PIKFYVE: variants seen among roughly 807,000 people sequenced by gnomAD.
The protein encoded by PIKFYVE is 1-phosphatidylinositol 3-phosphate 5-kinase.
Under a neutral mutation model 257.9 loss-of-function variants are expected in PIKFYVE, and 122 were observed. The ratio of observed to expected loss-of-function variants is 0.47; its 90% CI spans 0.41 to 0.55. The LOEUF (loss-of-function observed/expected upper bound fraction) is 0.55. Ranked by LOEUF, PIKFYVE falls within the 20% of genes least tolerant of loss-of-function variation. The probability of loss-of-function intolerance (pLI) is 0.00; values close to 1 mark genes in which losing one functional copy is unlikely to be tolerated. For synonymous variants in PIKFYVE, 892 were observed against 868.9 expected, an observed-to-expected ratio of 1.03 and a Z score of -0.47; for missense variants, 2,160 against 2,536.6, an observed-to-expected ratio of 0.85 and a Z score of 3.19.
intron 7 of PIKFYVE, among the ~76,000 whole-genome samples, chr2:208,298,347 C>T (rs969816826): frequency 1.3e-5 from 2 of 151,960 alleles, no homozygotes; most frequent in African/African-American, 4.8e-5. Flanking sequence ...AATTGTTTTC[C>T]TGTAATCTTT....
chr2:208,283,638 C>T (rs374302980), intron 5 of PIKFYVE, among the ~76,000 whole-genome samples: 3 of 151,944 alleles, frequency 2.0e-5, no homozygotes, highest in Non-Finnish European at 2.9e-5. Context: ...TGCAGTGGCA[C>T]GACCACAGCT....
intron 1 of PIKFYVE, among the ~76,000 whole-genome samples, chr2:208,268,381 G>C (rs1318161646): frequency 1.3e-5 from 2 of 150,926 alleles, no homozygotes; most frequent in African/African-American, 4.9e-5. Context: ...TTTTCCAGGG[G>C]TGGTTGTTAC....
chr2:208,279,374 C>T (rs2125078133), intron 5 of PIKFYVE, among the ~76,000 whole-genome samples: 1 of 152,196 alleles, frequency 6.6e-6, no homozygotes, highest in Middle Eastern at 3.4e-3. Context: ...TTGATAGTAT[C>T]TTTTGCCATG....
intron 20 of PIKFYVE, 151 bp from the exon 21 acceptor site, chr2:208,328,029 C>G (rs1697129786): frequency 4.9e-6 from 7 of 1,442,636 alleles, no homozygotes; most frequent in Non-Finnish European, 4.7e-6. Flanking sequence ...AACTGCCCTT[C>G]CTTATATTTA....
intron 2 of PIKFYVE, among the ~76,000 whole-genome samples, chr2:208,273,327 G>A (rs147786999): frequency 1.6e-4 from 24 of 152,278 alleles, no homozygotes; most frequent in African/African-American, 5.5e-4. Context: ...GCTGGGCACA[G>A]TGGCCTGTGC....
chr2:208,342,793 T>TA, intron 32 of PIKFYVE, 144 bp downstream of exon 32: 31 of 551,462 alleles, frequency 5.6e-5, no homozygotes, highest in Non-Finnish European at 8.9e-5. Flanking sequence ...GATAGCTTGT[T>TA]CTTTTTTTTT....
intron 5 of PIKFYVE, 55 bp downstream of exon 5, chr2:208,277,763 C>G: frequency 6.4e-7 from 1 of 1,574,696 alleles, no homozygotes; most frequent in Admixed American, 1.7e-5. Flanking sequence ...CTATAAGACA[C>G]TTATAATACA....
chr2:208,269,719 C>T (rs1689155119), intron 1 of PIKFYVE: 1 of 249,672 alleles, frequency 4.0e-6, no homozygotes, highest in Non-Finnish European at 8.5e-6. Flanking sequence ...CTTGCCATCC[C>T]CCACTCAGTT....
intron 30 of PIKFYVE, 64 bp from the exon 31 acceptor site, chr2:208,339,947 C>G: frequency 6.4e-7 from 1 of 1,556,014 alleles, no homozygotes; most frequent in South Asian, 1.1e-5. Context: ...GAACCAAAGT[C>G]AGCAGTTTAT....
chr2:208,339,442 C>T lies in PIKFYVE; in HGVS notation c.4697C>T (p.Ser1566Phe). The change falls in exon 30 of 42, where the codon TCC (serine) becomes TTC (phenylalanine). Residue 1566 changes from serine to phenylalanine, a missense_variant. Transcript: ENST00000264380. ...EKEDRFLTTLSSQSSTSSTHL... is the reference protein window; with the variant it reads ...EKEDRFLTTLFSQSSTSSTHL... ...GAGGATCGCTTCTTAACAACTTTGTCCAGCCAGAGCTCCACCAGTTCTACT... is the reference window on the plus strand; with the variant it reads ...GAGGATCGCTTCTTAACAACTTTGTTCAGCCAGAGCTCCACCAGTTCTACT... 2 of 1,614,102 alleles carry T rather than the reference C, an allele frequency of 1.2e-6. No homozygotes were observed. The highest frequency in any genetic ancestry group is 1.7e-6 in the Non-Finnish European group (2 of 1,179,980).
intron 7 of PIKFYVE, among the ~76,000 whole-genome samples, chr2:208,292,894 A>C (rs1692491518): frequency 6.6e-6 from 1 of 151,980 alleles, no homozygotes. Flanking sequence ...TGGTGTATTT[A>C]GACTATTGAC....
At chr2:208,349,244 T>C (rs1292619716) in intron 35 of PIKFYVE, among the ~76,000 whole-genome samples, 1 of 152,164 alleles carries the variant, frequency 6.6e-6, no homozygotes, top group Non-Finnish European at 1.5e-5. Flanking sequence ...CTGCTTGCTA[T>C]TGGGCTGTAG....
At chr2:208,269,906 T>G in intron 1 of PIKFYVE, 1 of 278,948 alleles carries the variant, frequency 3.6e-6, no homozygotes, top group Non-Finnish European at 7.4e-6. Context: ...TGGCAGCACC[T>G]TTGGAGATGG....
At chr2:208,308,779 C>G (rs1275526042) in intron 12 of PIKFYVE, among the ~76,000 whole-genome samples, 1 of 149,256 alleles carries the variant, frequency 6.7e-6, no homozygotes, top group African/African-American at 2.5e-5. Context: ...CTGGTCTTGG[C>G]TCACTGCAAC....
rs1233141873 is a variant in PIKFYVE, at chr2:208,340,808, C to T, written c.4931+677C>T. On this transcript the variant is annotated intron_variant, in intron 31 of 41. Transcript: ENST00000264380. ...TAGAATAAGATTTGTAAGGAACTGT[C>T]ATCACTCTTAGGAGCTCATAATCTT... Among the ~76,000 whole-genome samples the T allele has an allele frequency of 2.6e-5, 4 of 152,212 alleles. No individual in the cohort carries two copies. In the East Asian group the frequency reaches 7.7e-4, roughly 29 times the overall value.
Position 208,325,816 on chromosome 2 carries a change from C to T in PIKFYVE, c.3005C>T (p.Thr1002Ile), listed in dbSNP as rs375198962. The change falls in exon 20 of 42, where the codon ACA (threonine) becomes ATA (isoleucine). Residue 1002 changes from threonine (T) to isoleucine (I), a missense_variant. Thr to Ile is a moderately conservative substitution (Grantham distance 89). Transcript: ENST00000264380. Reference protein sequence around the residue: ...GSEQPETLQQTVVLQDPKSQI... With the variant: ...GSEQPETLQQIVVLQDPKSQI... ...GAGCAGCCAGAGACTTTGCAGCAAACAGTTGTGCTGCAGGATCCCAAAAGC... is the reference window on the plus strand; with the variant it reads ...GAGCAGCCAGAGACTTTGCAGCAAATAGTTGTGCTGCAGGATCCCAAAAGC... 6.2e-7 allele frequency: 1 copy of T among 1,614,038 alleles called. No homozygotes were observed. The highest frequency in any genetic ancestry group is 1.6e-4 in the Middle Eastern group (1 of 6,062).
intron 5 of PIKFYVE, among the ~76,000 whole-genome samples, chr2:208,283,988 A>T (rs1691193086): frequency 6.6e-6 from 1 of 152,242 alleles, no homozygotes; most frequent in Non-Finnish European, 1.5e-5. Flanking sequence ...TAATACAGTT[A>T]ACTTTTAGAA....
Position 208,326,145 on chromosome 2 carries a change from G to A in PIKFYVE, c.3334G>A (p.Gly1112Arg), listed in dbSNP as rs991254420. ...RKKQLLRDLS[G>R]LQGMNGSIQA... ...GAAACAGCTGCTCAGGGATCTCTCT[G>A]GACTTCAGGGCATGAATGGAAGTAT... is the stretch of plus-strand genomic sequence containing the variant. Residue 1112 changes from glycine (G) to arginine (R), a missense_variant, in exon 20 of 42, where the codon GGA becomes AGA. By Grantham distance (125) the Gly-to-Arg change is moderately radical. Coordinates refer to ENST00000264380, the MANE Select transcript of PIKFYVE (RefSeq NM_015040.4). 59 of 1,613,958 alleles carry A rather than the reference G, an allele frequency of 3.7e-5. No individual in the cohort carries two copies. Among genetic ancestry groups the A allele is most frequent in the Non-Finnish European group, 4.8e-5 (57 of 1,180,022 alleles).
In PIKFYVE at chr2:208,276,713, C is replaced by G. The variant is rs1271536242; in HGVS notation, c.324C>G (p.Asp108Glu). Residue 108 changes from aspartate (D) to glutamate (E), a missense_variant and splice_region_variant, in exon 4 of 42, where the codon GAC (aspartate) becomes GAG (glutamate). By Grantham distance (45) the Asp-to-Glu change is conservative. Coordinates refer to ENST00000264380, the MANE Select transcript of PIKFYVE (RefSeq NM_015040.4). Reference sequence around the variant, plus strand: ...TGCTTTTTTTTTAATCCAACTCAGACACAAGAAGGAAAGCAGAACCTACCT... The same window carrying G: ...TGCTTTTTTTTTAATCCAACTCAGAGACAAGAAGGAAAGCAGAACCTACCT... ...EELQRRSSAL[D>E]TRRKAEPTFG... is the part of the protein sequence containing the mutation. The G allele has an allele frequency of 6.2e-7, 1 of 1,611,554 alleles. No homozygotes were observed. Among genetic ancestry groups the G allele is most frequent in the East Asian group, 2.2e-5 (1 of 44,848 alleles).
Sources: allele counts gnomAD v4.1 joint callset (sites outside exome capture counted in the v4.1 genomes callset), GRCh38; gene constraint gnomAD v4.1.1; transcripts MANE v1.5; gene names NCBI Gene and HGNC (gene_info 2026-07-23, HGNC 2026-07-21).